Variants in PDE1C observed in about 807,000 individuals in gnomAD.
The protein encoded by PDE1C is phosphodiesterase 1C.
PDE1C carries 62 observed loss-of-function variants against 93.1 expected under a neutral mutation model. The ratio of observed to expected loss-of-function variants is 0.67; its 90% CI spans 0.54 to 0.82. The LOEUF (loss-of-function observed/expected upper bound fraction) is 0.82. Ranked by LOEUF, PDE1C falls within the 40% of genes least tolerant of loss-of-function variation. The pLI is 0.00. For missense variants in PDE1C, 742 were observed against 884.6 expected (o/e 0.84, Z 2.04); for synonymous variants, 325 against 310.1 (o/e 1.05, Z -0.50).
At chr7:31,985,642 G>T (rs1783288973) in intron 2 of PDE1C, among the ~76,000 whole-genome samples, 1 of 151,754 alleles carries the variant, frequency 6.6e-6, no homozygotes, top group African/African-American at 2.4e-5. Context: ...TTATTGTTCA[G>T]TTCCCACCTA....
the PDE1C span, among the ~76,000 whole-genome samples, chr7:31,637,764 G>T: frequency 6.6e-6 from 1 of 152,092 alleles, no homozygotes. Context: ...GTCAATTTTG[G>T]CTTTTGTTGC....
intron 16 of PDE1C, among the ~76,000 whole-genome samples, chr7:31,799,227 C>T (rs756561458): frequency 1.3e-5 from 2 of 151,676 alleles, no homozygotes; most frequent in Non-Finnish European, 3.0e-5. Context: ...GTTCTACCCA[C>T]AGCCTGCTGT....
chr7:31,708,467 T>A, the PDE1C span: 1 of 152,236 alleles, frequency 6.6e-6, no homozygotes, highest in Non-Finnish European at 1.5e-5. Context: ...ATCTCTGTCC[T>A]CGTGCGTTTC....
chr7:31,833,535 T>A (rs1348229202), intron 11 of PDE1C, among the ~76,000 whole-genome samples: 1 of 152,100 alleles, frequency 6.6e-6, no homozygotes, highest in Non-Finnish European at 1.5e-5. Flanking sequence ...ATATGGACAA[T>A]GACATCCAGG....
At chr7:31,686,310 A>G in the PDE1C span, among the ~76,000 whole-genome samples, 1 of 152,120 alleles carries the variant, frequency 6.6e-6, no homozygotes, top group Admixed American at 6.5e-5. Flanking sequence ...TCCTCCAGTG[A>G]GCAGACCCAA....
intron 2 of PDE1C, among the ~76,000 whole-genome samples, chr7:32,001,265 C>G (rs1785418861): frequency 6.6e-6 from 1 of 152,166 alleles, no homozygotes; most frequent in African/African-American, 2.4e-5. Context: ...TAAGTTTTTA[C>G]TATGCATGTA....
At chr7:31,724,032 T>A in the PDE1C span, among the ~76,000 whole-genome samples, 1 of 152,140 alleles carries the variant, frequency 6.6e-6, no homozygotes, top group African/African-American at 2.4e-5. Context: ...TAGCTTGCGA[T>A]CTATTTATTT....
At chr7:31,622,738 G>C in the PDE1C span, among the ~76,000 whole-genome samples, 1 of 151,970 alleles carries the variant, frequency 6.6e-6, no homozygotes, top group African/African-American at 2.4e-5. Context: ...GCTAACAGAA[G>C]GCAAGAAATA....
At chr7:31,949,726 CA>C (rs1807103861) in intron 2 of PDE1C, among the ~76,000 whole-genome samples, 1 of 152,014 alleles carries the variant, frequency 6.6e-6, no homozygotes, top group African/African-American at 2.4e-5. Context: ...AAATTTCACC[CA>C]AAATAAAGCA....
chr7:32,416,856 G>C (rs11978238), intron 1 of PDE1C, among the ~76,000 whole-genome samples: 1 of 151,962 alleles, frequency 6.6e-6, no homozygotes, highest in Non-Finnish European at 1.5e-5. Context: ...GCAGAGGAAC[G>C]GGTATCATCT....
the PDE1C span, chr7:31,642,646 CT>C: frequency 6.3e-7 from 1 of 1,587,776 alleles, no homozygotes; most frequent in Non-Finnish European, 8.6e-7. Context: ...CCTCCACTTC[CT>C]GACCTGTTTC....
At chr7:31,730,178 G>A in the PDE1C span, among the ~76,000 whole-genome samples, 1 of 152,120 alleles carries the variant, frequency 6.6e-6, no homozygotes, top group Non-Finnish European at 1.5e-5. Flanking sequence ...TGGTAGCTGC[G>A]AACGTGTTTA....
chr7:31,867,304 C>A (rs928045292), intron 6 of PDE1C, among the ~76,000 whole-genome samples: 1 of 152,056 alleles, frequency 6.6e-6, no homozygotes, highest in Non-Finnish European at 1.5e-5. Flanking sequence ...CCCAGCCACC[C>A]GTATACAGCT....
At chr7:32,326,626 C>T (rs757412746) in intron 1 of PDE1C, among the ~76,000 whole-genome samples, 1 of 152,044 alleles carries the variant, frequency 6.6e-6, no homozygotes, top group Non-Finnish European at 1.5e-5. Flanking sequence ...CACTGGTTAC[C>T]CTAACTAGTG....
chr7:31,937,704 A>G (rs1805288928), intron 2 of PDE1C, among the ~76,000 whole-genome samples: 2 of 152,226 alleles, frequency 1.3e-5, no homozygotes, highest in South Asian at 4.1e-4. Flanking sequence ...TTCAAAAGAC[A>G]TCCAGGACTA....
chr7:32,133,972 T>A (rs993811), intron 3 of PDE1C, among the ~76,000 whole-genome samples: 30,246 of 151,538 alleles, frequency 0.2, 3,720 homozygotes, highest in Middle Eastern at 0.3. Context: ...AGAAACATAA[T>A]AGGAATTTTA....
chr7:31,819,700 T>C (rs1402327424), intron 14 of PDE1C, among the ~76,000 whole-genome samples: 3 of 152,118 alleles, frequency 2.0e-5, no homozygotes, highest in African/African-American at 4.8e-5. Context: ...CCACAATGCA[T>C]GTCCGTACAG....
At chr7:31,651,192 G>A in the PDE1C span, 3 of 1,613,578 alleles carry the variant, frequency 1.9e-6, no homozygotes, top group East Asian at 2.2e-5. Flanking sequence ...AAAGTTTCCG[G>A]GAGTATTTAG....
chr7:32,428,209 A>C (rs1271773698), upstream of PDE1C: 7 of 152,196 alleles, frequency 4.6e-5, no homozygotes, highest in Admixed American at 3.9e-4. Context: ...CCGAAGGCTT[A>C]CTCCCTCCTG....
Sources: allele counts gnomAD v4.1 joint callset (sites outside exome capture counted in the v4.1 genomes callset), GRCh38; gene constraint gnomAD v4.1.1; transcripts MANE v1.5; gene names NCBI Gene and HGNC (gene_info 2026-07-23, HGNC 2026-07-21).